Variants in MEGF10 observed in about 807,000 individuals in gnomAD.
MEGF10 encodes the protein multiple epidermal growth factor-like domains protein 10.
A neutral mutation model predicts 147.5 loss-of-function variants in MEGF10; 86 were observed. The ratio of observed to expected loss-of-function variants is 0.58; its 90% CI spans 0.49 to 0.70. The LOEUF (loss-of-function observed/expected upper bound fraction) is 0.70, where lower values mean the gene tolerates loss of function less well. MEGF10 is among the 30% of genes least tolerant of loss of function. MEGF10 has a pLI of 0.00. For missense variants in MEGF10, 1,329 were observed against 1,487.3 expected (o/e 0.89, Z 1.75); for synonymous variants, 478 against 525.5 (o/e 0.91, Z 1.24).
chr5:127,378,128 A>C (rs1283917723), intron 5 of MEGF10, among the ~76,000 whole-genome samples: 14 of 152,050 alleles, frequency 9.2e-5, no homozygotes, highest in Non-Finnish European at 1.8e-4. Flanking sequence ...ACCCTCTGTC[A>C]CCCACCCTGG....
intron 6 of MEGF10, among the ~76,000 whole-genome samples, 160 bp downstream of exon 6, chr5:127,396,938 G>A (rs1324167722): frequency 6.6e-6 from 1 of 152,180 alleles, no homozygotes; most frequent in East Asian, 1.9e-4. Flanking sequence ...AGCAGTGATG[G>A]CCACTAGGTG....
chr5:127,386,087 A>T (rs922991674), intron 5 of MEGF10, among the ~76,000 whole-genome samples: 1 of 152,232 alleles, frequency 6.6e-6, no homozygotes, highest in Non-Finnish European at 1.5e-5. Flanking sequence ...CAGTCTAGGT[A>T]GCACAGTGAG....
chr5:127,232,651 T>G, the MEGF10 span, among the ~76,000 whole-genome samples: 2 of 151,980 alleles, frequency 1.3e-5, no homozygotes, highest in African/African-American at 4.8e-5. Context: ...CCAAGAGAAG[T>G]ACAAAACTTG....
At chr5:127,423,314 G>T (rs1765092896) in intron 13 of MEGF10, among the ~76,000 whole-genome samples, 1 of 152,184 alleles carries the variant, frequency 6.6e-6, no homozygotes, top group African/African-American at 2.4e-5. Flanking sequence ...TAACCACAGG[G>T]TGGGAGTTTC....
chr5:127,363,588 T>C (rs1762551236), intron 4 of MEGF10, among the ~76,000 whole-genome samples: 1 of 152,212 alleles, frequency 6.6e-6, no homozygotes, highest in Non-Finnish European at 1.5e-5. Context: ...AGTTTATTGC[T>C]GACGTCACTG....
At chr5:127,307,670 T>C (rs1297146163) in intron 1 of MEGF10, among the ~76,000 whole-genome samples, 1 of 152,226 alleles carries the variant, frequency 6.6e-6, no homozygotes, top group African/African-American at 2.4e-5. Flanking sequence ...ATTCAAATTT[T>C]CTTCTATCCA....
intron 1 of MEGF10, among the ~76,000 whole-genome samples, chr5:127,295,750 A>G (rs189781699): frequency 6.6e-6 from 1 of 152,346 alleles, no homozygotes; most frequent in African/African-American, 2.4e-5. Flanking sequence ...ATGGACTTCA[A>G]ACGAAGCAAT....
At chr5:127,433,273 A>C in intron 13 of MEGF10, 90 bp from the exon 14 acceptor site, 1 of 1,522,490 alleles carries the variant, frequency 6.6e-7, no homozygotes, top group Non-Finnish European at 9.0e-7. Flanking sequence ...CAGGTTTAAC[A>C]CTGTGAGCTT....
intron 9 of MEGF10, among the ~76,000 whole-genome samples, chr5:127,416,827 C>T (rs1407074134): frequency 3.9e-5 from 6 of 152,156 alleles, no homozygotes; most frequent in Admixed American, 6.5e-5. Flanking sequence ...CTTCATCCCT[C>T]CCAGGTTGTC....
At chr5:127,395,383 T>TTATC (rs1269359162) in intron 5 of MEGF10, among the ~76,000 whole-genome samples, 2 of 152,066 alleles carry the variant, frequency 1.3e-5, no homozygotes, top group African/African-American at 4.8e-5. Flanking sequence ...CGTTTGCCTA[T>TTATC]TATCTTTTCA....
intron 1 of MEGF10, among the ~76,000 whole-genome samples, chr5:127,321,237 T>C (rs1332040096): frequency 6.6e-6 from 1 of 152,150 alleles, no homozygotes; most frequent in East Asian, 1.9e-4. Context: ...AATGAAAGGA[T>C]TTTGATTGGA....
At position 127,417,928 on chromosome 5, in the gene MEGF10, C is replaced by T. The variant is rs966391898; in HGVS notation, c.1305+116C>T. The T allele has an allele frequency of 2.4e-5, 25 of 1,042,786 alleles. 1 individual carries two copies. The Admixed American group carries it at 7.8e-4, about 33-fold the overall frequency. 64.6% of individuals were successfully genotyped at this position (1,042,786 alleles called of 1,614,324 possible). A position where few individuals can be genotyped will look rare whatever the true frequency, so the allele number is the denominator to read the frequency against. ...GTGAATGTGCTAAAGTCATCCACAT[C>T]ATTAAAGAGAGAGAGAAAATGAGGG... On this transcript the variant is annotated intron_variant, in intron 10 of 24. Transcript: ENST00000503335.
At chr5:127,400,697 A>G (rs1282424096) in intron 7 of MEGF10, among the ~76,000 whole-genome samples, 1 of 152,070 alleles carries the variant, frequency 6.6e-6, no homozygotes, top group Admixed American at 6.6e-5. Flanking sequence ...AGCTCTTCTC[A>G]GTTGGGATGG....
At chr5:127,386,695 A>G (rs1410517977) in intron 5 of MEGF10, among the ~76,000 whole-genome samples, 4 of 152,148 alleles carry the variant, frequency 2.6e-5, no homozygotes, top group Admixed American at 1.3e-4. Flanking sequence ...ACATTGTGAG[A>G]ACTAAGTTGT....
At chr5:127,425,207 T>TC (rs1417499181) in intron 13 of MEGF10, among the ~76,000 whole-genome samples, 1 of 152,222 alleles carries the variant, frequency 6.6e-6, no homozygotes, top group East Asian at 1.9e-4. Flanking sequence ...ACAGTCTGGG[T>TC]CATGGGGTAA....
rs1188148315 is a variant in MEGF10, at chr5:127,447,885, G to C, written c.2856+201G>C. Among the ~76,000 whole-genome samples the C allele has an allele frequency of 2.6e-5, 4 of 152,210 alleles. No individual in the cohort carries two copies. In the East Asian group the frequency reaches 7.7e-4, roughly 29 times the overall value. On this transcript the variant is annotated intron_variant, in intron 21 of 24. Transcript: ENST00000503335. Reference sequence around the variant, plus strand: ...AAAACCTGAGTAGTAGGGAGTTTAAGTTACTTCCAGACATAGCTGCCCGAT... The same window carrying C: ...AAAACCTGAGTAGTAGGGAGTTTAACTTACTTCCAGACATAGCTGCCCGAT...
chr5:127,255,725 T>C, the MEGF10 span, among the ~76,000 whole-genome samples: 4 of 152,204 alleles, frequency 2.6e-5, no homozygotes, highest in South Asian at 2.1e-4. Flanking sequence ...CTTGAAAATA[T>C]GGATTTTGAA....
chr5:127,396,826 C>T (rs1763935898), intron 6 of MEGF10, 48 bp downstream of exon 6: 1 of 1,577,790 alleles, frequency 6.3e-7, no homozygotes, highest in Middle Eastern at 1.8e-4. Flanking sequence ...CCCACCCTCT[C>T]CATTCATGCT....
At chr5:127,334,012 T>C (rs377304593) in intron 2 of MEGF10, among the ~76,000 whole-genome samples, 124 of 152,280 alleles carry the variant, frequency 8.1e-4, no homozygotes, top group Middle Eastern at 3.4e-3. Context: ...TTCTTACTGA[T>C]AAATTTTCTG....
Sources: gnomAD v4.1 joint callset for allele counts (sites outside exome capture counted in the v4.1 genomes callset) on GRCh38, gnomAD v4.1.1 for gene constraint, MANE v1.5 for transcripts, NCBI Gene and HGNC (gene_info 2026-07-23, HGNC 2026-07-21) for gene names.